ANK3: variants seen among roughly 807,000 people sequenced by gnomAD.
ANK3 encodes ankyrin 3.
ANK3 carries 57 observed loss-of-function variants against 370.9 expected under a neutral mutation model. The ratio of observed to expected loss-of-function variants is 0.15; its 90% confidence interval spans 0.12 to 0.19. ANK3 has a LOEUF of 0.19. ANK3 is among the 10% of genes least tolerant of loss of function. ANK3 has a pLI of 1.00. For missense variants in ANK3, 4,439 were observed against 5,302.1 expected (o/e 0.84, Z 5.06); for synonymous variants, 1,929 against 1,946.3 (o/e 0.99, Z 0.23).
At chr10:60,526,684 GA>G (rs1268455358) in intron 2 of ANK3, among the ~76,000 whole-genome samples, 3 of 152,084 alleles carry the variant, frequency 2.0e-5, no homozygotes, top group Non-Finnish European at 2.9e-5. Context: ...CAGATTTCCA[GA>G]AAATTATGTC....
chr10:60,055,488 T>G (rs1276392387), intron 42 of ANK3, among the ~76,000 whole-genome samples, 170 bp downstream of exon 42: 2 of 152,190 alleles, frequency 1.3e-5, no homozygotes, highest in East Asian at 3.9e-4. Flanking sequence ...TTTACCTATG[T>G]GTTTAACTCA....
intron 1 of ANK3, among the ~76,000 whole-genome samples, chr10:60,323,641 G>A (rs2049157430): frequency 6.6e-6 from 1 of 152,138 alleles, no homozygotes; most frequent in Non-Finnish European, 1.5e-5. Context: ...CCATGAGAGT[G>A]GATGATATGA....
intron 26 of ANK3, among the ~76,000 whole-genome samples, chr10:60,111,136 A>T (rs910828726): frequency 2.6e-5 from 4 of 152,226 alleles, no homozygotes; most frequent in Admixed American, 2.0e-4. Flanking sequence ...AGATAGGTAG[A>T]TAGCTGATTG....
intron 4 of ANK3, among the ~76,000 whole-genome samples, chr10:60,273,359 T>C (rs1371327471): frequency 6.6e-6 from 1 of 152,216 alleles, no homozygotes; most frequent in African/African-American, 2.4e-5. Flanking sequence ...ATAATTTGCA[T>C]ATCATAAAGC....
At chr10:60,173,502 G>C in intron 18 of ANK3, among the ~76,000 whole-genome samples, 1 of 152,210 alleles carries the variant, frequency 6.6e-6, no homozygotes, top group East Asian at 1.9e-4. Context: ...TGATTCAGTG[G>C]CTTCTTATTC....
At chr10:60,568,602 A>T (rs1222996634) in intron 2 of ANK3, among the ~76,000 whole-genome samples, 1 of 152,196 alleles carries the variant, frequency 6.6e-6, no homozygotes, top group African/African-American at 2.4e-5. Flanking sequence ...TCCCCTATGT[A>T]GCATCTGCTA....
At chr10:60,443,819 T>A (rs557318828) in intron 2 of ANK3, among the ~76,000 whole-genome samples, 1 of 152,288 alleles carries the variant, frequency 6.6e-6, no homozygotes, top group Non-Finnish European at 1.5e-5. Flanking sequence ...ATAGTGAGGT[T>A]ACTTCACTGA....
chr10:60,686,330 C>T (rs2079267776), intron 1 of ANK3, among the ~76,000 whole-genome samples: 1 of 151,996 alleles, frequency 6.6e-6, no homozygotes, highest in South Asian at 2.1e-4. Flanking sequence ...CAAATTAAAG[C>T]CACAGTGAGA....
At chr10:60,443,650 A>G (rs958654071) in intron 2 of ANK3, among the ~76,000 whole-genome samples, 6 of 152,172 alleles carry the variant, frequency 3.9e-5, no homozygotes, top group Non-Finnish European at 5.9e-5. Flanking sequence ...AAAAAAGATG[A>G]CTAAAAATAA....
In ANK3 at chr10:60,071,747, G is replaced by A; in HGVS notation, c.9134C>T (p.Pro3045Leu). ...CTCTAAAGAATCAGGAGATTTGGTG[G>A]GGGAGGTTTCGGTTTCCTCGAGAGG... is the stretch of plus-strand genomic sequence containing the variant. The part of the protein sequence containing the change: ...CPPLEETETS[P>L]TKSPDSLEFS... The change falls in exon 37 of 44, where the codon CCC becomes CTC. Residue 3045 changes from proline to leucine, a missense_variant. Physicochemically the swap from Pro to Leu is moderately conservative, Grantham distance 98. Coordinates refer to ENST00000280772, the MANE Select transcript of ANK3 (RefSeq NM_020987.5). 1.9e-6 allele frequency: 3 copies of A among 1,598,338 alleles called. No homozygotes were observed. The highest frequency in any genetic ancestry group is 2.6e-6 in the Non-Finnish European group (3 of 1,174,160).
intron 2 of ANK3, among the ~76,000 whole-genome samples, chr10:60,565,874 C>T (rs898031369): frequency 1.3e-5 from 2 of 152,204 alleles, no homozygotes; most frequent in Non-Finnish European, 2.9e-5. Flanking sequence ...TCCCTTAACA[C>T]TTTCTACACA....
At chr10:60,355,589 A>T (rs77834795) in intron 1 of ANK3, among the ~76,000 whole-genome samples, 5 of 152,326 alleles carry the variant, frequency 3.3e-5, no homozygotes, top group African/African-American at 4.8e-5. Flanking sequence ...TCATTGAGGA[A>T]AAAGACAAGC....
intron 1 of ANK3, among the ~76,000 whole-genome samples, chr10:60,370,421 G>A (rs532544486): frequency 2.6e-5 from 4 of 151,962 alleles, no homozygotes; most frequent in Admixed American, 2.6e-4. Flanking sequence ...TTTAAAAATC[G>A]CTATGAATAG....
At position 60,684,863 on chromosome 10, in the gene ANK3, G is replaced by C; in HGVS notation, c.57+48400C>G. On this transcript the variant is annotated intron_variant, in intron 1 of 43. Transcript: ENST00000373827. ...AAAACTGAACTTCACAAAATAACTAGGTTATCAGAAAATCAAGGAGTCCCT... is the reference window on the plus strand; with the variant it reads ...AAAACTGAACTTCACAAAATAACTACGTTATCAGAAAATCAAGGAGTCCCT... 6 of 1,490,948 alleles carry C rather than the reference G, an allele frequency of 4.0e-6. No individual in the cohort carries two copies. In the South Asian group the frequency reaches 7.0e-5, roughly 18 times the overall value. The allele number at this position is 1,490,948 out of a possible 1,614,324, so 92.4% of individuals were successfully genotyped here. A position where few individuals can be genotyped will look rare whatever the true frequency, so the allele number is the denominator to read the frequency against.
At chr10:60,259,221 T>C (rs2097773077) in intron 7 of ANK3, among the ~76,000 whole-genome samples, 1 of 152,198 alleles carries the variant, frequency 6.6e-6, no homozygotes, top group African/African-American at 2.4e-5. Flanking sequence ...AGCTGGCAGT[T>C]GCCTCAGTTT....
chr10:60,055,619 C>G, intron 42 of ANK3, 39 bp downstream of exon 42: 1 of 1,547,042 alleles, frequency 6.5e-7, no homozygotes, highest in Non-Finnish European at 8.7e-7. Flanking sequence ...CCGATACTTT[C>G]CATTTCAATG....
At chr10:60,320,530 T>C (rs527709993) in intron 1 of ANK3, among the ~76,000 whole-genome samples, 28 of 152,038 alleles carry the variant, frequency 1.8e-4, no homozygotes, top group African/African-American at 6.8e-4. Context: ...ACCTAGGAGG[T>C]GAAGGTTGCA....
At chr10:60,629,041 C>T (rs887018782) in intron 1 of ANK3, among the ~76,000 whole-genome samples, 13 of 151,884 alleles carry the variant, frequency 8.6e-5, no homozygotes, top group African/African-American at 3.1e-4. Flanking sequence ...TTTGAAAAGC[C>T]ACATTGAGCA....
intron 2 of ANK3, among the ~76,000 whole-genome samples, chr10:60,499,997 T>C (rs1249772213): frequency 6.6e-6 from 1 of 152,174 alleles, no homozygotes; most frequent in African/African-American, 2.4e-5. Context: ...AACACTTAGG[T>C]TGACTAAATA....
Sources: gnomAD v4.1 joint callset for allele counts (sites outside exome capture counted in the v4.1 genomes callset) on GRCh38, gnomAD v4.1.1 for gene constraint, MANE v1.5 for transcripts, NCBI Gene and HGNC (gene_info 2026-07-23, HGNC 2026-07-21) for gene names.